The following KIAA1614 variants were observed in gnomAD, a reference collection of about 807,000 sequenced individuals.
The protein encoded by KIAA1614 is KIAA1614, also known as uncharacterized protein KIAA1614.
Under a neutral mutation model 88.7 loss-of-function variants are expected in KIAA1614, and 76 were observed. The ratio of observed to expected loss-of-function variants is 0.86; its 90% confidence interval spans 0.71 to 1.04. The LOEUF (loss-of-function observed/expected upper bound fraction) is 1.04, where lower values mean the gene tolerates loss of function less well. Ranked by LOEUF, KIAA1614 falls within the 50% of genes least tolerant of loss-of-function variation. KIAA1614 has a pLI of 0.00. For missense variants in KIAA1614, 1,553 were observed against 1,582.5 expected, an observed-to-expected ratio of 0.98 and a Z score of 0.32; for synonymous variants, 714 against 675.5, an observed-to-expected ratio of 1.06 and a Z score of -0.88.
In KIAA1614 at chr1:180,938,612, T is replaced by C. The variant is rs373753773; in HGVS notation, c.2819T>C (p.Ile940Thr). The C allele has an allele frequency of 5.0e-6, 8 of 1,614,072 alleles. 1 individual carries two copies. The African/African-American group carries it at 1.1e-4, about 22-fold the overall frequency. The change falls in exon 6 of 9, where the codon ATC becomes ACC. Residue 940 changes from isoleucine to threonine, a missense_variant. Ile to Thr is a moderately conservative substitution (Grantham distance 89). Coordinates refer to ENST00000367588, the MANE Select transcript of KIAA1614 (RefSeq NM_020950.2). ...ADVATINSTG[I>T]TLSLSSEESE... ...GTTGCCACCATCAACTCCACGGGCA[T>C]CACCCTCTCCCTGTCCTCAGAGGAG...
At position 180,948,234 on chromosome 1, in the gene KIAA1614, G is replaced by A. The variant is rs1654643053; in HGVS notation, c.*2646G>A. On this transcript the variant is annotated 3_prime_UTR_variant, in exon 9 of 9. Transcript: ENST00000367588. ...TCCCAGGCCATCCTCCAACAGCAGA[G>A]GGTCGCTTCTTCCAGGCTCCAAGGG... The A allele has an allele frequency of 6.6e-6, 1 of 152,286 alleles. No individual in the cohort carries two copies. The highest frequency in any genetic ancestry group is 2.1e-4 in the South Asian group (1 of 4,836). The allele number at this position is 152,286 out of a possible 1,614,324, so 9.4% of individuals were successfully genotyped here. A position where few individuals can be genotyped will look rare whatever the true frequency, so the allele number is the denominator to read the frequency against.
intron 3 of KIAA1614, among the ~76,000 whole-genome samples, chr1:180,921,007 T>A (rs1404674615): frequency 6.6e-6 from 1 of 152,210 alleles, no homozygotes; most frequent in Non-Finnish European, 1.5e-5. Context: ...TTTATCCTAA[T>A]AACAAATTGT....
chr1:180,913,260 C>T lies in KIAA1614; in HGVS notation c.17C>T (p.Ala6Val). The change falls in exon 1 of 9, where the codon GCG (alanine) becomes GTG (valine). Residue 6 changes from alanine to valine, a missense_variant. Transcript: ENST00000367588. MEGTE[A>V]AAAKPAGGSP... ...CTCCGAGGGATGGAGGGGACAGAGG[C>T]GGCGGCGGCCAAACCCGCGGGCGGC... 1.6e-6 allele frequency: 2 copies of T among 1,260,394 alleles called. No individual in the cohort carries two copies. The highest frequency in any genetic ancestry group is 2.0e-6 in the Non-Finnish European group (2 of 996,852). 78.1% of individuals were successfully genotyped at this position (1,260,394 alleles called of 1,614,324 possible).
Position 180,945,201 on chromosome 1 carries a change from G to A in KIAA1614, c.3288-102G>A, listed in dbSNP as rs963906710. The A allele has an allele frequency of 3.2e-5, 43 of 1,329,174 alleles. 2 individuals are homozygous for A. In the South Asian group the frequency reaches 6.8e-4, roughly 21 times the overall value. 82.3% of individuals were successfully genotyped at this position (1,329,174 alleles called of 1,614,324 possible). ...AGCAGAACCCCAGCCTCCAATGCCA[G>A]GCTCTTAAGTCTGTGAGGCATCGGT... is the stretch of plus-strand genomic sequence containing the variant. On this transcript the variant is annotated intron_variant, in intron 8 of 8. Transcript: ENST00000367588.
In KIAA1614 at chr1:180,916,856, G is replaced by A; in HGVS notation, c.753G>A (p.Glu251=). The change falls in exon 2 of 9, where the codon GAG becomes GAA. Residue 251 remains glutamate, a synonymous_variant. Coordinates refer to ENST00000367588, the MANE Select transcript of KIAA1614 (RefSeq NM_020950.2). The part of the protein sequence containing the change: ...SYPFPDGVVT[E]ADLDSTSLTS... Reference sequence around the variant, plus strand: ...CTTTTCCAGATGGCGTGGTGACAGAGGCAGATCTGGATAGCACATCCCTGA... The same window carrying A: ...CTTTTCCAGATGGCGTGGTGACAGAAGCAGATCTGGATAGCACATCCCTGA... 6.2e-7 allele frequency: 1 copy of A among 1,614,244 alleles called. No individual in the cohort carries two copies. The highest frequency in any genetic ancestry group is 8.5e-7 in the Non-Finnish European group (1 of 1,180,046).
chr1:180,945,625 A>G lies in KIAA1614; in HGVS notation c.*37A>G. 1 of 1,559,946 alleles carries G rather than the reference A, an allele frequency of 6.4e-7. No homozygotes were observed. Among genetic ancestry groups the G allele is most frequent in the Non-Finnish European group, 8.6e-7 (1 of 1,159,992 alleles). Reference sequence around the variant, plus strand: ...CTGGGAATTCAGAAAGCCTCTGACTACAGGACTAGGCTTCTCCCCTCAGGG... The same window carrying G: ...CTGGGAATTCAGAAAGCCTCTGACTGCAGGACTAGGCTTCTCCCCTCAGGG... On this transcript the variant is annotated 3_prime_UTR_variant, in exon 9 of 9. Transcript: ENST00000367588.
chr1:180,936,127 C>T lies in KIAA1614; in HGVS notation c.2218C>T (p.Arg740Trp), dbSNP rs17302207. The change falls in exon 5 of 9, where the codon CGG becomes TGG. Residue 740 changes from arginine to tryptophan, a missense_variant. Arg to Trp is a moderately radical substitution (Grantham distance 101). Coordinates refer to ENST00000367588, the MANE Select transcript of KIAA1614 (RefSeq NM_020950.2). ...TCACCAGCCTCACCCTTTGGATTCC[C>T]GGACTCCATGCAGGACAGCCTATGC... ...GSHQPHPLDS[R>W]TPCRTAYATT... 63,865 of 1,614,120 alleles carry T rather than the reference C, an allele frequency of 0.04. 1,561 individuals carry two copies. The highest frequency in any genetic ancestry group is 0.1 in the Admixed American group (5,995 of 60,016).
chr1:180,928,692 G>C (rs1436774491), intron 4 of KIAA1614, 119 bp downstream of exon 4: 1 of 1,151,672 alleles, frequency 8.7e-7, no homozygotes, highest in East Asian at 2.7e-5. Context: ...GTGTGTGTCT[G>C]TGTGTTTTCC....
intron 7 of KIAA1614, among the ~76,000 whole-genome samples, chr1:180,943,078 G>C (rs1654507151): frequency 6.7e-6 from 1 of 148,422 alleles, no homozygotes; most frequent in African/African-American, 2.5e-5. Flanking sequence ...CCAGGCTGGA[G>C]TGCAGTGGCG....
At chr1:180,924,962 T>C (rs998466732) in intron 3 of KIAA1614, among the ~76,000 whole-genome samples, 7 of 151,704 alleles carry the variant, frequency 4.6e-5, no homozygotes, top group Non-Finnish European at 1.0e-4. Flanking sequence ...CTAATCTCTT[T>C]TAAAGGAGTC....
In KIAA1614 at chr1:180,950,429, G is replaced by C; in HGVS notation, c.*4841G>C. 1.7e-6 allele frequency: 2 copies of C among 1,205,644 alleles called. No homozygotes were observed. Among genetic ancestry groups the C allele is most frequent in the Non-Finnish European group, 2.1e-6 (2 of 946,696 alleles). The allele number at this position is 1,205,644 out of a possible 1,614,324, so 74.7% of individuals were successfully genotyped here. On this transcript the variant is annotated 3_prime_UTR_variant, in exon 9 of 9. Transcript: ENST00000367588. ...GGGCGATGAGATCCTCGAGGTGAAC[G>C]GGGCCAAGGTGGCAGGGCTGGGCTT... is the stretch of plus-strand genomic sequence containing the variant.
intron 4 of KIAA1614, 79 bp downstream of exon 4, chr1:180,928,652 C>G: frequency 2.2e-5 from 31 of 1,411,848 alleles, no homozygotes; most frequent in Non-Finnish European, 2.9e-5. Flanking sequence ...TGGGATCTAG[C>G]CAAATGCTGC....
chr1:180,944,250 GT>G, intron 7 of KIAA1614, 138 bp from the exon 8 acceptor site: 1 of 810,412 alleles, frequency 1.2e-6, no homozygotes, highest in Non-Finnish European at 1.9e-6. Flanking sequence ...GGTGGTTCCT[GT>G]TGAATTCTTG....
In KIAA1614 at chr1:180,946,135, G is replaced by A. The variant is rs1291489707; in HGVS notation, c.*547G>A. ...AAAAAAAAAAGAAATAAATAAATTA[G>A]AATTTTGAAGGCCATCTTTGCAGAG... On this transcript the variant is annotated 3_prime_UTR_variant, in exon 9 of 9. Transcript: ENST00000367588. The A allele has an allele frequency of 6.6e-6, 1 of 152,032 alleles. No individual in the cohort carries two copies. Among genetic ancestry groups the A allele is most frequent in the Admixed American group, 6.6e-5 (1 of 15,258 alleles). 9.4% of individuals were successfully genotyped at this position (152,032 alleles called of 1,614,324 possible).
chr1:180,934,890 G>C (rs1485374291), intron 4 of KIAA1614, among the ~76,000 whole-genome samples: 2 of 152,194 alleles, frequency 1.3e-5, no homozygotes, highest in African/African-American at 4.8e-5. Context: ...CACGGAAGGT[G>C]GCCTTGGTTT....
Position 180,916,299 on chromosome 1 carries a change from GC to G in KIAA1614, c.202del (p.Gln68SerfsTer20). On this transcript the variant is annotated frameshift_variant, in exon 2 of 9. Coordinates refer to ENST00000367588, the MANE Select transcript of KIAA1614 (RefSeq NM_020950.2). LOFTEE classifies it high-confidence loss of function. Reference sequence around the variant, plus strand: ...GGAAAACAGAACATCCAGCCTGATGGCCCCCCAGCCTCCCAGGGTATGGGGA... The same window carrying G: ...GGAAAACAGAACATCCAGCCTGATGGCCCCCAGCCTCCCAGGGTATGGGGA... Reference protein sequence around the residue: ...PQENRTSSLMAPQPPRVWGVQ... With the variant: ...PQENRTSSLMXPQPPRVWGVQ... 1 of 1,613,786 alleles carries G rather than the reference GC, an allele frequency of 6.2e-7. No homozygotes were observed.
At chr1:180,927,565 C>T (rs978363209) in intron 3 of KIAA1614, among the ~76,000 whole-genome samples, 2 of 152,174 alleles carry the variant, frequency 1.3e-5, no homozygotes, top group Non-Finnish European at 2.9e-5. Flanking sequence ...GAGCAAGCTC[C>T]GTGGAGAACA....
At chr1:180,917,319 C>G (rs1352803170) in intron 2 of KIAA1614, among the ~76,000 whole-genome samples, 3 of 152,288 alleles carry the variant, frequency 2.0e-5, no homozygotes, top group Admixed American at 6.5e-5. Flanking sequence ...CCCCCCATGA[C>G]CCTGCAGACC....
intron 3 of KIAA1614, among the ~76,000 whole-genome samples, chr1:180,918,575 C>T (rs1251789546): frequency 6.6e-6 from 1 of 152,190 alleles, no homozygotes; most frequent in Non-Finnish European, 1.5e-5. Flanking sequence ...CAGCTGGCAC[C>T]TGCACAGAGG....
Sources: gnomAD v4.1 joint callset for allele counts (sites outside exome capture counted in the v4.1 genomes callset) on GRCh38, gnomAD v4.1.1 for gene constraint, MANE v1.5 for transcripts, NCBI Gene and HGNC (gene_info 2026-07-23, HGNC 2026-07-21) for gene names.